LYN: variants seen among roughly 807,000 people sequenced by gnomAD.
LYN encodes the protein LYN proto-oncogene, Src family tyrosine kinase, also known as tyrosine-protein kinase Lyn.
In LYN, 12 loss-of-function variants were observed where a neutral mutation model predicts 65.0. The ratio of observed to expected loss-of-function variants is 0.18; its 90% CI spans 0.12 to 0.30. The LOEUF is 0.30. Among genes scored for constraint, LYN ranks in the 10% least tolerant of loss-of-function variants. The pLI, the probability that LYN is intolerant of heterozygous loss-of-function variation, is 1.00. For synonymous variants in LYN, 222 were observed against 221.2 expected, an observed-to-expected ratio of 1.00 and a Z score of -0.03; for missense variants, 380 against 623.2, an observed-to-expected ratio of 0.61 and a Z score of 4.16.
chr8:55,880,096 G>A lies in LYN; in HGVS notation c.-13G>A. On this transcript the variant is annotated 5_prime_UTR_variant, in exon 1 of 13. Transcript: ENST00000519728. ...GCTCCGCCGCCCCGAAACTTTCACC[G>A]CGAGCGGGTGAGTCCTCTGCGCGAG... 1 of 299,672 alleles carries A rather than the reference G, an allele frequency of 3.3e-6. No individual in the cohort carries two copies. The highest frequency in any genetic ancestry group is 4.3e-5 in the Admixed American group (1 of 23,396). The allele number at this position is 299,672 out of a possible 1,614,324, so 18.6% of individuals were successfully genotyped here.
Position 55,907,445 on chromosome 8 carries a change from T to A in LYN, c.-6+27342T>A, listed in dbSNP as rs575549047. 2.0e-5 allele frequency among the ~76,000 whole-genome samples: 3 copies of A among 152,322 alleles called. No homozygotes were observed. The South Asian group carries it at 6.2e-4, about 32-fold the overall frequency. ...GCCTTAGAAAGGAGCACCATGGGCCTGTGAGGTGTCAAGGAAGCTCTGTGT... is the reference window on the plus strand; with the variant it reads ...GCCTTAGAAAGGAGCACCATGGGCCAGTGAGGTGTCAAGGAAGCTCTGTGT... On this transcript the variant is annotated intron_variant, in intron 1 of 12. Coordinates refer to ENST00000519728, the MANE Select transcript of LYN (RefSeq NM_002350.4).
intron 10 of LYN, among the ~76,000 whole-genome samples, chr8:55,986,977 A>G (rs929135790): frequency 6.6e-6 from 1 of 152,110 alleles, no homozygotes; most frequent in African/African-American, 2.4e-5. Flanking sequence ...AGTCCTCACA[A>G]AGCACTGGGA....
intron 12 of LYN, among the ~76,000 whole-genome samples, chr8:56,003,543 C>A (rs1044600918): frequency 5.3e-5 from 8 of 151,994 alleles, no homozygotes; most frequent in African/African-American, 1.9e-4. Flanking sequence ...TGGCCAACGC[C>A]TGTAATCCTA....
chr8:55,998,857 A>G (rs1563329172), intron 11 of LYN, among the ~76,000 whole-genome samples: 1 of 152,262 alleles, frequency 6.6e-6, no homozygotes, highest in African/African-American at 2.4e-5. Flanking sequence ...TATTTGTAAC[A>G]TTAATTCTAT....
At chr8:55,970,038 A>G (rs541073026) in intron 10 of LYN, among the ~76,000 whole-genome samples, 1 of 152,234 alleles carries the variant, frequency 6.6e-6, no homozygotes, top group Non-Finnish European at 1.5e-5. Context: ...CAACCTCTTT[A>G]TGTTCATTTC....
At chr8:55,976,516 CAGGCACTGTGTCAGG>C (rs1807757914) in intron 10 of LYN, among the ~76,000 whole-genome samples, 1 of 152,110 alleles carries the variant, frequency 6.6e-6, no homozygotes. Flanking sequence ...TGAGCACAGC[CAGGCACTGTGTCAGG>C]AGGGATGAGC....
intron 1 of LYN, among the ~76,000 whole-genome samples, chr8:55,939,462 AAGAGAGAGAG>A (rs111951441): frequency 5.4e-5 from 8 of 148,250 alleles, no homozygotes; most frequent in African/African-American, 2.5e-5. Flanking sequence ...TTCCCAAGAG[AAGAGAGAGAG>A]AGAGAGAGAG....
At chr8:55,883,791 T>G (rs1804712457) in intron 1 of LYN, among the ~76,000 whole-genome samples, 1 of 152,178 alleles carries the variant, frequency 6.6e-6, no homozygotes, top group African/African-American at 2.4e-5. Context: ...GCCAACAGTA[T>G]AGATATACAT....
At chr8:55,885,863 C>T (rs1804776447) in intron 1 of LYN, among the ~76,000 whole-genome samples, 1 of 152,074 alleles carries the variant, frequency 6.6e-6, no homozygotes, top group Non-Finnish European at 1.5e-5. Context: ...TGCCTGCAGC[C>T]CCACCTTCCT....
At chr8:55,975,109 C>T (rs910958160) in intron 10 of LYN, among the ~76,000 whole-genome samples, 2 of 152,156 alleles carry the variant, frequency 1.3e-5, no homozygotes, top group Non-Finnish European at 2.9e-5. Flanking sequence ...GAATCTGAGC[C>T]GGGTGCCGCT....
In LYN at chr8:55,950,720, G is replaced by A; in HGVS notation, c.423G>A (p.Arg141=). Residue 141 remains arginine, a synonymous_variant, in exon 6 of 13, where the codon AGG becomes AGA. Coordinates refer to ENST00000519728, the MANE Select transcript of LYN (RefSeq NM_002350.4). The stretch of plus-strand genomic sequence containing the variant: ...ATATAACCAGGAAGGACGCAGAAAG[G>A]CAGCTTTTGGCACCAGGAAATAGCG... ...FKDITRKDAE[R]QLLAPGNSAG... The A allele has an allele frequency of 1.2e-6, 2 of 1,614,112 alleles. No homozygotes were observed. Among genetic ancestry groups the A allele is most frequent in the Non-Finnish European group, 1.7e-6 (2 of 1,179,962 alleles).
At position 55,934,912 on chromosome 8, in the gene LYN, T is replaced by C. The variant is rs1352106386; in HGVS notation, c.-5-6943T>C. Among the ~76,000 whole-genome samples the C allele has an allele frequency of 2.0e-5, 3 of 152,150 alleles. No homozygotes were observed. The East Asian group carries it at 5.8e-4, about 29-fold the overall frequency. ...ACACCTCTTTCTCACTTCTCCTAAATCATATCCTCCTCCCTTCTAGGGGGA... is the reference window on the plus strand; with the variant it reads ...ACACCTCTTTCTCACTTCTCCTAAACCATATCCTCCTCCCTTCTAGGGGGA... On this transcript the variant is annotated intron_variant, in intron 1 of 12. Transcript: ENST00000519728.
rs1009038587 is a variant in LYN at position 55,952,420 on chromosome 8, C to T, written c.637+305C>T. On this transcript the variant is annotated intron_variant, in intron 7 of 12. Transcript: ENST00000519728. ...CTAGAAAAAAAAAAAATTAGCCAGGCATAGTGGTGCGTGCCTGTAGTCCCA... is the reference window on the plus strand; with the variant it reads ...CTAGAAAAAAAAAAAATTAGCCAGGTATAGTGGTGCGTGCCTGTAGTCCCA... Among the ~76,000 whole-genome samples, 17 of 152,130 alleles carry T rather than the reference C, an allele frequency of 1.1e-4. No homozygotes were observed. The East Asian group carries it at 3.1e-3, about 28-fold the overall frequency.
intron 1 of LYN, among the ~76,000 whole-genome samples, chr8:55,902,267 C>T: frequency 6.6e-6 from 1 of 151,834 alleles, no homozygotes; most frequent in East Asian, 1.9e-4. Flanking sequence ...TTTTGCCTCC[C>T]AAAGTGCTGG....
chr8:56,013,894 G>A lies in LYN; in HGVS notation c.*3784G>A, dbSNP rs1233450236. 3 of 152,168 alleles carry A rather than the reference G, an allele frequency of 2.0e-5. No homozygotes were observed. 9.4% of individuals were successfully genotyped at this position (152,168 alleles called of 1,614,324 possible). Reference sequence around the variant, plus strand: ...TCTATTCCCTACATTTTAACTCCACGAATATTTTAGATTAAGTGAAGTCTT... The same window carrying A: ...TCTATTCCCTACATTTTAACTCCACAAATATTTTAGATTAAGTGAAGTCTT... On this transcript the variant is annotated 3_prime_UTR_variant, in exon 13 of 13. Coordinates refer to ENST00000519728, the MANE Select transcript of LYN (RefSeq NM_002350.4).
intron 1 of LYN, among the ~76,000 whole-genome samples, chr8:55,884,466 C>T (rs762505785): frequency 6.6e-6 from 1 of 151,474 alleles, no homozygotes; most frequent in Non-Finnish European, 1.5e-5. Flanking sequence ...TATTCTGCCT[C>T]CCACTGAAGA....
At chr8:55,951,931 GAT>G in intron 6 of LYN, 33 bp from the exon 7 acceptor site, 2 of 1,584,850 alleles carry the variant, frequency 1.3e-6, no homozygotes, top group Non-Finnish European at 1.7e-6. Flanking sequence ...TTATTTGTGA[GAT>G]ATAAACATTT....
In LYN at chr8:55,911,280, TATATA is replaced by T. The variant is rs1270075446; in HGVS notation, c.-5-30574_-5-30570del. ...GTGTATATATATATATATATATATA[TATATA>T]TTTTTTTTTTTTTTTTAGTAGAGAC... On this transcript the variant is annotated intron_variant, in intron 1 of 12. Coordinates refer to ENST00000519728, the MANE Select transcript of LYN (RefSeq NM_002350.4). Among the ~76,000 whole-genome samples the T allele has an allele frequency of 9.7e-4, 47 of 48,322 alleles. 1 individual carries two copies. The highest frequency in any genetic ancestry group is 3.8e-3 in the African/African-American group (42 of 11,080). 31.7% of individuals were successfully genotyped at this position (48,322 alleles called of 152,430 possible).
intron 12 of LYN, among the ~76,000 whole-genome samples, chr8:56,002,254 C>A (rs1464617943): frequency 2.0e-5 from 3 of 152,042 alleles, no homozygotes; most frequent in African/African-American, 7.2e-5. Context: ...CCCATCTCTA[C>A]TAAAAATAAA....
Sources: allele counts gnomAD v4.1 joint callset (sites outside exome capture counted in the v4.1 genomes callset), GRCh38; gene constraint gnomAD v4.1.1; transcripts MANE v1.5; gene names NCBI Gene and HGNC (gene_info 2026-07-23, HGNC 2026-07-21).